Variants in NDUFS4 observed in about 807,000 individuals in gnomAD.
NDUFS4 encodes NADH dehydrogenase [ubiquinone] iron-sulfur protein 4, mitochondrial.
Under a neutral mutation model 24.3 loss-of-function variants are expected in NDUFS4, and 28 were observed. The ratio of observed to expected loss-of-function variants is 1.15; its 90% CI spans 0.85 to 1.58. The LOEUF (loss-of-function observed/expected upper bound fraction) is 1.58, where lower values mean the gene tolerates loss of function less well. NDUFS4 is among the 40% of genes most tolerant of loss of function. NDUFS4 has a pLI of 0.00. For missense variants in NDUFS4, 223 were observed against 207.9 expected (o/e 1.07, Z -0.45); for synonymous variants, 93 against 69.7 (o/e 1.34, Z -1.67).
intron 2 of NDUFS4, among the ~76,000 whole-genome samples, chr5:53,622,171 A>G (rs1459326008): frequency 6.6e-6 from 1 of 152,082 alleles, no homozygotes. Context: ...AAAGAGCCTT[A>G]TTTAACATGT....
chr5:53,616,116 C>T (rs961101089), intron 2 of NDUFS4, among the ~76,000 whole-genome samples: 2 of 151,802 alleles, frequency 1.3e-5, no homozygotes, highest in African/African-American at 4.8e-5. Flanking sequence ...TAGTAGTTTT[C>T]ATCTAGGACA....
At chr5:53,649,011 G>T (rs1322554025) in intron 3 of NDUFS4, among the ~76,000 whole-genome samples, 1 of 152,084 alleles carries the variant, frequency 6.6e-6, no homozygotes, top group Non-Finnish European at 1.5e-5. Flanking sequence ...TCTGTGACTT[G>T]TTCTAGACAA....
At chr5:53,646,483 ACT>A (rs1751868770) in intron 3 of NDUFS4, 78 bp downstream of exon 3, 4 of 1,472,588 alleles carry the variant, frequency 2.7e-6, no homozygotes, top group African/African-American at 1.4e-5. Flanking sequence ...TGATTTTCAA[ACT>A]CTTTTATGTA....
chr5:53,620,730 GA>G (rs1751007050), intron 2 of NDUFS4, among the ~76,000 whole-genome samples: 1 of 152,076 alleles, frequency 6.6e-6, no homozygotes, highest in Non-Finnish European at 1.5e-5. Flanking sequence ...ATCATCCTCT[GA>G]AATATCTACA....
intron 3 of NDUFS4, among the ~76,000 whole-genome samples, chr5:53,653,893 T>C (rs1187060770): frequency 2.0e-5 from 3 of 152,164 alleles, no homozygotes; most frequent in East Asian, 1.9e-4. Context: ...ATTGCTAATA[T>C]TTAAAGTTGA....
chr5:53,625,865 T>G (rs529175520), intron 2 of NDUFS4, among the ~76,000 whole-genome samples: 2 of 152,312 alleles, frequency 1.3e-5, no homozygotes, highest in South Asian at 4.1e-4. Context: ...AGTTGTTGTT[T>G]CCCTTTTACA....
chr5:53,623,447 A>G (rs1051074929), intron 2 of NDUFS4, among the ~76,000 whole-genome samples: 5 of 152,000 alleles, frequency 3.3e-5, no homozygotes, highest in Admixed American at 3.3e-4. Context: ...TTCTTTGTTC[A>G]TTTTGAATTA....
Position 53,601,068 on chromosome 5 carries a change from G to T in NDUFS4, c.99-2384G>T, listed in dbSNP as rs1018113531. On this transcript the variant is annotated intron_variant, in intron 1 of 4. Coordinates refer to ENST00000296684, the MANE Select transcript of NDUFS4 (RefSeq NM_002495.4). Reference sequence around the variant, plus strand: ...CGCCCAGGCTGGAGTGCAGTGGCGCGATCTCAGCTCACTGCAAGCTCCGCC... The same window carrying T: ...CGCCCAGGCTGGAGTGCAGTGGCGCTATCTCAGCTCACTGCAAGCTCCGCC... 6.7e-5 allele frequency among the ~76,000 whole-genome samples: 10 copies of T among 148,152 alleles called. No homozygotes were observed. In the South Asian group the frequency reaches 2.1e-3, roughly 32 times the overall value.
chr5:53,655,541 G>A (rs1321345160), intron 3 of NDUFS4, among the ~76,000 whole-genome samples: 2 of 151,792 alleles, frequency 1.3e-5, no homozygotes, highest in African/African-American at 2.4e-5. Context: ...GAAGAATCTC[G>A]TATATATCTT....
intron 2 of NDUFS4, among the ~76,000 whole-genome samples, chr5:53,610,861 G>A (rs1281364640): frequency 6.6e-6 from 1 of 152,098 alleles, no homozygotes; most frequent in Non-Finnish European, 1.5e-5. Flanking sequence ...GCAGGTTGTG[G>A]TGGGGATTAT....
intron 1 of NDUFS4, among the ~76,000 whole-genome samples, chr5:53,563,570 C>G (rs1260376567): frequency 6.6e-6 from 1 of 151,588 alleles, no homozygotes; most frequent in African/African-American, 2.4e-5. Context: ...GGCACAATCT[C>G]AGTTCACTGC....
intron 3 of NDUFS4, 144 bp from the exon 4 acceptor site, chr5:53,658,403 TAACA>T (rs1463324557): frequency 1.8e-5 from 11 of 602,790 alleles, no homozygotes; most frequent in Admixed American, 5.9e-5. Context: ...GTATTCCAAC[TAACA>T]GTTTTAAAGA....
intron 2 of NDUFS4, among the ~76,000 whole-genome samples, chr5:53,613,596 A>G (rs1260454241): frequency 6.8e-6 from 1 of 146,214 alleles, no homozygotes; most frequent in Non-Finnish European, 1.5e-5. Flanking sequence ...TTTAAAAGCA[A>G]CTATAGTTTT....
At chr5:53,658,478 T>C in intron 3 of NDUFS4, 73 bp from the exon 4 acceptor site, 1 of 1,014,052 alleles carries the variant, frequency 9.9e-7, no homozygotes, top group East Asian at 2.4e-5. Context: ...AGTAGCTGTT[T>C]ATTTTAAATA....
chr5:53,586,680 G>T (rs1214293545), intron 1 of NDUFS4, among the ~76,000 whole-genome samples: 1 of 152,046 alleles, frequency 6.6e-6, no homozygotes, highest in African/African-American at 2.4e-5. Context: ...CCACCACCAT[G>T]CCTGGCTAAT....
chr5:53,654,438 T>A (rs1263860176), intron 3 of NDUFS4, among the ~76,000 whole-genome samples: 4 of 151,958 alleles, frequency 2.6e-5, no homozygotes, highest in Non-Finnish European at 5.9e-5. Context: ...AGAATATAAT[T>A]TTTTTTTGCT....
At chr5:53,564,403 A>G (rs141515789) in intron 1 of NDUFS4, among the ~76,000 whole-genome samples, 189 of 152,336 alleles carry the variant, frequency 1.2e-3, no homozygotes, top group African/African-American at 4.0e-3. Flanking sequence ...TAACACATCC[A>G]AGCCAAAGTT....
chr5:53,580,139 C>T (rs908136016), intron 1 of NDUFS4, among the ~76,000 whole-genome samples: 6 of 151,766 alleles, frequency 4.0e-5, no homozygotes, highest in African/African-American at 1.4e-4. Flanking sequence ...GTCTCATTAT[C>T]CACCATGACT....
At chr5:53,561,035 C>T (rs1191360813) in intron 1 of NDUFS4, among the ~76,000 whole-genome samples, 1 of 152,080 alleles carries the variant, frequency 6.6e-6, no homozygotes, top group African/African-American at 2.4e-5. Context: ...GGAGGTTTTG[C>T]CTCCGGAGCT....
Sources: allele counts gnomAD v4.1 joint callset (sites outside exome capture counted in the v4.1 genomes callset), GRCh38; gene constraint gnomAD v4.1.1; transcripts MANE v1.5; gene names NCBI Gene and HGNC (gene_info 2026-07-23, HGNC 2026-07-21).